Variants in POLR3GL observed in about 807,000 individuals in gnomAD.
POLR3GL encodes DNA-directed RNA polymerase III subunit RPC7-like.
A neutral mutation model predicts 32.4 loss-of-function variants in POLR3GL; 26 were observed. The observed-to-expected ratio is 0.80, with a 90% CI of 0.59 to 1.11. The LOEUF is 1.11. POLR3GL is among the 50% of genes most tolerant of loss of function. The probability of loss-of-function intolerance (pLI) is 0.00; values close to 1 mark genes in which losing one functional copy is unlikely to be tolerated. For synonymous variants in POLR3GL, 95 were observed against 98.7 expected, an observed-to-expected ratio of 0.96 and a Z score of 0.22; for missense variants, 229 against 280.1, an observed-to-expected ratio of 0.82 and a Z score of 1.30.
In POLR3GL at chr1:145,978,308, A is replaced by G. The variant is rs1379457193; in HGVS notation, c.571-53A>G. Reference sequence around the variant, plus strand: ...CTGAGAGGAAAGGGGTCTGGTACACAGGAAGGAAGGTGAATGCCAAATTGA... The same window carrying G: ...CTGAGAGGAAAGGGGTCTGGTACACGGGAAGGAAGGTGAATGCCAAATTGA... On this transcript the variant is annotated intron_variant, in intron 7 of 7. Transcript: ENST00000369314. 6 of 1,405,534 alleles carry G rather than the reference A, an allele frequency of 4.3e-6. No individual in the cohort carries two copies. In the African/African-American group the frequency reaches 8.6e-5, roughly 20 times the overall value. 87.1% of individuals were successfully genotyped at this position (1,405,534 alleles called of 1,614,324 possible).
rs1553763033 is a variant in POLR3GL at position 145,973,961 on chromosome 1, T to TTAA, written c.-41-864_-41-863insTAA. 1.7e-4 allele frequency among the ~76,000 whole-genome samples: 18 copies of TTAA among 104,920 alleles called. 1 individual carries two copies. Among genetic ancestry groups the TTAA allele is most frequent in the East Asian group, 2.7e-4 (1 of 3,692 alleles). The allele number at this position is 104,920 out of a possible 152,430, so 68.8% of individuals were successfully genotyped here. A position where few individuals can be genotyped will look rare whatever the true frequency, so the allele number is the denominator to read the frequency against. The stretch of plus-strand genomic sequence containing the variant: ...CTTGACATAATGAAATCCAGTCTCT[T>TTAA]AAAAAAAAAAAAAAAAAAAAAAGAG... On this transcript the variant is annotated intron_variant, in intron 1 of 7. Transcript: ENST00000369314.
intron 1 of POLR3GL, among the ~76,000 whole-genome samples, chr1:145,970,955 G>A (rs1418034526): frequency 6.8e-6 from 1 of 147,866 alleles, no homozygotes; most frequent in Admixed American, 6.9e-5. Flanking sequence ...GGAGGCCGAG[G>A]CGGATGGATC....
intron 1 of POLR3GL, among the ~76,000 whole-genome samples, chr1:145,968,868 G>C (rs1181490191): frequency 1.3e-5 from 2 of 152,090 alleles, no homozygotes; most frequent in African/African-American, 4.8e-5. Context: ...ACCACGCCCA[G>C]CCAACAAATT....
intron 1 of POLR3GL, among the ~76,000 whole-genome samples, chr1:145,972,938 A>T (rs1437867738): frequency 1.3e-5 from 2 of 151,986 alleles, no homozygotes; most frequent in African/African-American, 4.8e-5. Context: ...GGCTCGAGTG[A>T]TCTGCCCGCT....
intron 1 of POLR3GL, among the ~76,000 whole-genome samples, chr1:145,968,037 G>A (rs1553762223): frequency 6.6e-6 from 1 of 152,166 alleles, no homozygotes; most frequent in African/African-American, 2.4e-5. Context: ...AATTGTTAGT[G>A]TTTTTCTGTA....
chr1:145,977,019 ACT>A, intron 3 of POLR3GL, 63 bp from the exon 4 acceptor site: 11 of 1,315,084 alleles, frequency 8.4e-6, no homozygotes, highest in Non-Finnish European at 1.1e-5. Flanking sequence ...AGAGGGCTGG[ACT>A]CTCAGGAACA....
chr1:145,975,848 A>T lies in POLR3GL; in HGVS notation c.256+412A>T, dbSNP rs587631322. Among the ~76,000 whole-genome samples, 9 of 152,198 alleles carry T rather than the reference A, an allele frequency of 5.9e-5. 1 individual carries two copies. The South Asian group carries it at 1.7e-3, about 28-fold the overall frequency. On this transcript the variant is annotated intron_variant, in intron 3 of 7. Coordinates refer to ENST00000369314, the MANE Select transcript of POLR3GL (RefSeq NM_032305.3). Reference sequence around the variant, plus strand: ...CACTGCGCCCAGCAAAATTTTTAACAATCTGGATATTATAAGCACCAACCA... The same window carrying T: ...CACTGCGCCCAGCAAAATTTTTAACTATCTGGATATTATAAGCACCAACCA...
At position 145,975,354 on chromosome 1, in the gene POLR3GL, A is replaced by G; in HGVS notation, c.174A>G (p.Glu58=). 1.2e-6 allele frequency: 2 copies of G among 1,614,144 alleles called. No homozygotes were observed. Among genetic ancestry groups the G allele is most frequent in the Non-Finnish European group, 1.7e-6 (2 of 1,179,982 alleles). ...CTTTGCCCTCAGGCGAGGAAGGGGA[A>G]TATGTCCTGGCACTGAAGCAAGAGC... ...PVPLPSGEEG[E]YVLALKQELR... The change falls in exon 3 of 8, where the codon GAA becomes GAG. Residue 58 remains glutamate, a synonymous_variant. Transcript: ENST00000369314.
chr1:145,965,343 CAT>C (rs1570987129), intron 1 of POLR3GL, among the ~76,000 whole-genome samples: 2 of 152,204 alleles, frequency 1.3e-5, no homozygotes, highest in East Asian at 3.9e-4. Context: ...AAACTCCTAA[CAT>C]AACTAGGGAA....
intron 1 of POLR3GL, among the ~76,000 whole-genome samples, chr1:145,970,744 C>G (rs1023536746): frequency 6.6e-6 from 1 of 151,406 alleles, no homozygotes; most frequent in Non-Finnish European, 1.5e-5. Flanking sequence ...GGCACGGTGG[C>G]GGGCTCCTGT....
At chr1:145,974,775 C>T (rs1553763129) in intron 1 of POLR3GL, 50 bp from the exon 2 acceptor site, 1 of 1,258,198 alleles carries the variant, frequency 7.9e-7, no homozygotes, top group African/African-American at 1.6e-5. Context: ...TCCTTGGCTT[C>T]CTGTCCATTC....
rs78130564 is a variant in POLR3GL, at chr1:145,966,930, T to C, written c.-42+2162T>C. ...TTTGATGAATATCCTTTTACTTATA[T>C]CTGTGACTGTATATCTGTTGATGTC... On this transcript the variant is annotated intron_variant, in intron 1 of 7. Transcript: ENST00000369314. Among the ~76,000 whole-genome samples, 507 of 152,372 alleles carry C rather than the reference T, an allele frequency of 3.3e-3. 2 individuals carry two copies. The highest frequency in any genetic ancestry group is 0.014 in the Middle Eastern group (4 of 294).
chr1:145,969,452 C>T (rs1335226025), intron 1 of POLR3GL, among the ~76,000 whole-genome samples: 7 of 150,424 alleles, frequency 4.7e-5, no homozygotes, highest in East Asian at 2.0e-4. Flanking sequence ...TTAGTAGAGA[C>T]GGGGTTTTGC....
Position 145,974,983 on chromosome 1 carries a change from C to T in POLR3GL, c.118C>T (p.Leu40Phe), listed in dbSNP as rs1650485194. Residue 40 changes from leucine (L) to phenylalanine (F), a missense_variant, in exon 2 of 8, where the codon CTC becomes TTC. Transcript: ENST00000369314. ...LPPPTLQPSP[L>F]FPPLEFRPVP... is the part of the protein sequence containing the mutation. ...CCCACCCACCCTGCAGCCTTCTCCACTCTTCCCTGTGAGTCTCTCCACTCC... is the reference window on the plus strand; with the variant it reads ...CCCACCCACCCTGCAGCCTTCTCCATTCTTCCCTGTGAGTCTCTCCACTCC... 6.6e-7 allele frequency: 1 copy of T among 1,516,668 alleles called. No homozygotes were observed. Among genetic ancestry groups the T allele is most frequent in the Non-Finnish European group, 8.8e-7 (1 of 1,136,546 alleles). 94.0% of individuals were successfully genotyped at this position (1,516,668 alleles called of 1,614,324 possible). A position where few individuals can be genotyped will look rare whatever the true frequency, so the allele number is the denominator to read the frequency against.
At chr1:145,976,510 G>A (rs1441643702) in intron 3 of POLR3GL, among the ~76,000 whole-genome samples, 1 of 151,876 alleles carries the variant, frequency 6.6e-6, no homozygotes, top group Non-Finnish European at 1.5e-5. Context: ...TTGGGAGGCG[G>A]AGGTTGCAGT....
At chr1:145,972,381 A>C (rs946693661) in intron 1 of POLR3GL, among the ~76,000 whole-genome samples, 39 of 135,206 alleles carry the variant, frequency 2.9e-4, no homozygotes, top group African/African-American at 1.1e-3. Context: ...ACTCCATCTC[A>C]AAAAAAAAAA....
In POLR3GL at chr1:145,978,728, G is replaced by A. The variant is rs587690020; in HGVS notation, c.*281G>A. 97 of 434,718 alleles carry A rather than the reference G, an allele frequency of 2.2e-4. No homozygotes were observed. Among genetic ancestry groups the A allele is most frequent in the African/African-American group, 1.9e-3 (92 of 49,198 alleles). 26.9% of individuals were successfully genotyped at this position (434,718 alleles called of 1,614,324 possible). On this transcript the variant is annotated 3_prime_UTR_variant, in exon 8 of 8. Transcript: ENST00000369314. ...GAAGAACTGGGGTTGTTAGAGCTGAGATGACTGTACACATACCCCTGCCCA... is the reference window on the plus strand; with the variant it reads ...GAAGAACTGGGGTTGTTAGAGCTGAAATGACTGTACACATACCCCTGCCCA...
At chr1:145,975,534 A>C in intron 3 of POLR3GL, 98 bp downstream of exon 3, 2 of 1,380,846 alleles carry the variant, frequency 1.4e-6, no homozygotes, top group Non-Finnish European at 2.0e-6. Context: ...GAAGCATACT[A>C]TCTAACTGGG....
chr1:145,977,838 TACAG>T lies in POLR3GL; in HGVS notation c.445_448del (p.Gln149AsnfsTer2). The T allele has an allele frequency of 6.2e-7, 1 of 1,613,888 alleles. No homozygotes were observed. Among genetic ancestry groups the T allele is most frequent in the Non-Finnish European group, 8.5e-7 (1 of 1,179,810 alleles). ...ACCACAGAAGATAAGGAGGAAACAA[TACAG>T]AAACTAGAGGTGAGGAGGAAGTGTG... is the stretch of plus-strand genomic sequence containing the variant. On this transcript the variant is annotated frameshift_variant, in exon 6 of 8. Coordinates refer to ENST00000369314, the MANE Select transcript of POLR3GL (RefSeq NM_032305.3). LOFTEE classifies it high-confidence loss of function.
Sources: gnomAD v4.1 joint callset for allele counts (sites outside exome capture counted in the v4.1 genomes callset) on GRCh38, gnomAD v4.1.1 for gene constraint, MANE v1.5 for transcripts, NCBI Gene and HGNC (gene_info 2026-07-23, HGNC 2026-07-21) for gene names.